ELFN1: variants seen among roughly 807,000 people sequenced by gnomAD.
ELFN1 encodes the protein protein ELFN1.
ELFN1 carries 6 observed loss-of-function variants against 7.6 expected under a neutral mutation model. The ratio of observed to expected loss-of-function variants is 0.79; its 90% confidence interval spans 0.43 to 1.56. The LOEUF (loss-of-function observed/expected upper bound fraction) is 1.56. Among genes scored for constraint, ELFN1 ranks in the 40% most tolerant of loss-of-function variants. The pLI, the probability that ELFN1 is intolerant of heterozygous loss-of-function variation, is 0.01. For missense variants in ELFN1, 1,169 were observed against 1,232.2 expected (o/e 0.95, Z 0.77); for synonymous variants, 657 against 588.1 (o/e 1.12, Z -1.70).
intron 2 of ELFN1, among the ~76,000 whole-genome samples, chr7:1,696,338 AAG>A (rs755393893): frequency 2.0e-5 from 3 of 147,816 alleles, no homozygotes; most frequent in Non-Finnish European, 4.5e-5. Flanking sequence ...GAGAGAGGGA[AAG>A]AGAGACAGGG....
At chr7:1,724,340 G>T (rs1190444850) in intron 3 of ELFN1, among the ~76,000 whole-genome samples, 1 of 152,096 alleles carries the variant, frequency 6.6e-6, no homozygotes, top group Non-Finnish European at 1.5e-5. Flanking sequence ...AAGTCAGCCC[G>T]CGTTGCCTTC....
intron 3 of ELFN1, among the ~76,000 whole-genome samples, chr7:1,736,356 G>T (rs531675703): frequency 2.0e-5 from 3 of 152,090 alleles, no homozygotes; most frequent in African/African-American, 7.2e-5. Flanking sequence ...GTCCAGCCCC[G>T]GCCCCGGCCC....
chr7:1,688,238 T>A (rs896879342), intron 2 of ELFN1, 88 bp downstream of exon 2: 12 of 152,274 alleles, frequency 7.9e-5, no homozygotes, highest in African/African-American at 2.9e-4. Context: ...TAGTAATTCT[T>A]AATTTTTTGA....
intron 2 of ELFN1, among the ~76,000 whole-genome samples, chr7:1,699,768 A>T (rs1199666386): frequency 6.6e-6 from 1 of 152,096 alleles, no homozygotes; most frequent in Non-Finnish European, 1.5e-5. Context: ...CAATGGCATG[A>T]TCTCTGCTCA....
At chr7:1,704,895 A>G (rs1486308530) in intron 2 of ELFN1, among the ~76,000 whole-genome samples, 2 of 152,086 alleles carry the variant, frequency 1.3e-5, no homozygotes, top group Non-Finnish European at 2.9e-5. Flanking sequence ...TTAGAGCCTC[A>G]TGGAGCTCCC....
intron 1 of ELFN1, among the ~76,000 whole-genome samples, chr7:1,671,174 C>T (rs1296591920): frequency 6.6e-6 from 1 of 151,624 alleles, no homozygotes; most frequent in Non-Finnish European, 1.5e-5. Flanking sequence ...CACACCGCCC[C>T]CCCCCCCATA....
In ELFN1 at chr7:1,670,727, C is replaced by T. The variant is rs1778748415; in HGVS notation, c.-549+373C>T. 6.6e-6 allele frequency among the ~76,000 whole-genome samples: 1 copy of T among 152,198 alleles called. No individual in the cohort carries two copies. The highest frequency in any genetic ancestry group is 2.4e-5 in the African/African-American group (1 of 41,458). On this transcript the variant is annotated intron_variant, in intron 1 of 3. Transcript: ENST00000424383. The surrounding 1 kb of genome is among the most constrained non-coding windows in gnomAD (Gnocchi z 6.4). ...CCCGGCGCCCCCCAGACGCGGCCCC[C>T]TGCCCTTCCCTTCCCGGAAATTAGG... is the stretch of plus-strand genomic sequence containing the variant.
chr7:1,703,972 G>T (rs757892055), intron 2 of ELFN1, among the ~76,000 whole-genome samples: 1 of 152,186 alleles, frequency 6.6e-6, no homozygotes, highest in South Asian at 2.1e-4. Flanking sequence ...TACAAATCCC[G>T]GCTCTTCTGT....
At chr7:1,723,866 C>T (rs1780099859) in intron 3 of ELFN1, among the ~76,000 whole-genome samples, 1 of 152,238 alleles carries the variant, frequency 6.6e-6, no homozygotes, top group African/African-American at 2.4e-5. Flanking sequence ...GCACCTGACG[C>T]CCCTGCCCTC....
In ELFN1 at chr7:1,744,665, C is replaced by A. The variant is rs1780724128; in HGVS notation, c.69C>A (p.Gly23=). ...VAAATLLHAG[G]LARADCWLIE... ...CCGCCACCCTGCTGCACGCTGGCGG[C>A]CTGGCCCGCGCAGACTGCTGGCTGA... Residue 23 remains glycine, a synonymous_variant, in exon 4 of 4, where the codon GGC becomes GGA. Transcript: ENST00000424383. 1 of 1,550,788 alleles carries A rather than the reference C, an allele frequency of 6.4e-7. No homozygotes were observed.
intron 3 of ELFN1, among the ~76,000 whole-genome samples, chr7:1,738,152 G>A (rs1243978344): frequency 1.3e-5 from 2 of 152,200 alleles, no homozygotes; most frequent in East Asian, 3.9e-4. Context: ...TCACTCGAGG[G>A]GCTTCCCACC....
At chr7:1,667,973 G>GC (rs1301143294), upstream of ELFN1, among the ~76,000 whole-genome samples, 2 of 140,834 alleles carry the variant, frequency 1.4e-5, no homozygotes, top group Non-Finnish European at 3.2e-5. The surrounding 1 kb of genome is among the most constrained non-coding windows in gnomAD (Gnocchi z 8.2). Flanking sequence ...GGTGGGGGGG[G>GC]GGGGCGGCCG....
intron 2 of ELFN1, chr7:1,694,117 C>G (rs2128581352): frequency 4.0e-6 from 1 of 250,212 alleles, no homozygotes; most frequent in East Asian, 8.8e-5. Flanking sequence ...TGAAGCAGCT[C>G]CAGCCAGGGT....
At chr7:1,681,933 T>C (rs1778982557) in intron 1 of ELFN1, among the ~76,000 whole-genome samples, 1 of 152,262 alleles carries the variant, frequency 6.6e-6, no homozygotes, top group African/African-American at 2.4e-5. Context: ...TGCCCATATT[T>C]AATGGATTTG....
intron 1 of ELFN1, among the ~76,000 whole-genome samples, chr7:1,678,268 C>A (rs1778909610): frequency 6.6e-6 from 1 of 152,180 alleles, no homozygotes; most frequent in South Asian, 2.1e-4. Context: ...TCCTGGAGTG[C>A]AGCCTGTGCC....
rs1480115140 is a variant in ELFN1, at chr7:1,673,716, G to T, written c.-549+3362G>T. Among the ~76,000 whole-genome samples, 1 of 152,194 alleles carries T rather than the reference G, an allele frequency of 6.6e-6. No individual in the cohort carries two copies. Among genetic ancestry groups the T allele is most frequent in the Non-Finnish European group, 1.5e-5 (1 of 68,030 alleles). ...GGCATCCCCAGATGGAAAGACAATG[G>T]TCTCACAAATAAATGTGCCTCCTTT... On this transcript the variant is annotated intron_variant, in intron 1 of 3. Coordinates refer to ENST00000424383, the MANE Select transcript of ELFN1 (RefSeq NM_001128636.4). This position sits in a 1 kb window ranked among gnomAD's most constrained non-coding sequence, Gnocchi z 4.7.
At chr7:1,686,561 A>G (rs1191404533) in intron 1 of ELFN1, among the ~76,000 whole-genome samples, 1 of 151,582 alleles carries the variant, frequency 6.6e-6, no homozygotes, top group Non-Finnish European at 1.5e-5. Flanking sequence ...GTGGTCAGTC[A>G]GTGATTGGTT....
intron 3 of ELFN1, among the ~76,000 whole-genome samples, chr7:1,724,845 C>A (rs888684066): frequency 1.1e-4 from 17 of 152,226 alleles, no homozygotes; most frequent in African/African-American, 4.1e-4. Flanking sequence ...CGTCCTGCAC[C>A]CCTGGCACCC....
rs1225704289 is a variant in ELFN1 at position 1,740,292 on chromosome 7, T to C, written c.-293-4012T>C. ...GATGCCTATTGCCCTCCCTGGGGCC[T>C]TGTGGTCCACGCCCATACGAGCCTC... On this transcript the variant is annotated intron_variant, in intron 3 of 3. Transcript: ENST00000424383. The surrounding 1 kb of genome is among the most constrained non-coding windows in gnomAD (Gnocchi z 5.0). Among the ~76,000 whole-genome samples the C allele has an allele frequency of 6.6e-6, 1 of 152,152 alleles. No homozygotes were observed. The highest frequency in any genetic ancestry group is 1.5e-5 in the Non-Finnish European group (1 of 68,018).
Sources: gnomAD v4.1 joint callset for allele counts (sites outside exome capture counted in the v4.1 genomes callset) on GRCh38, gnomAD v4.1.1 for gene constraint, Gnocchi (gnomAD v3.1) non-coding constraint, MANE v1.5 for transcripts, NCBI Gene and HGNC (gene_info 2026-07-23, HGNC 2026-07-21) for gene names.